Variants in IL21R observed in about 807,000 individuals in gnomAD.
IL21R encodes the protein interleukin-21 receptor.
A neutral mutation model predicts 41.3 loss-of-function variants in IL21R; 14 were observed. That is an observed-to-expected ratio of 0.34 (90% CI 0.22 to 0.53). The LOEUF (loss-of-function observed/expected upper bound fraction) is 0.53, where lower values mean the gene tolerates loss of function less well. IL21R is among the 20% of genes least tolerant of loss of function. The pLI is 0.94. For synonymous variants in IL21R, 286 were observed against 287.6 expected (o/e 0.99, Z 0.05); for missense variants, 588 against 681.6 (o/e 0.86, Z 1.53).
At chr16:27,438,825 A>G (rs1475395100) in intron 4 of IL21R, among the ~76,000 whole-genome samples, 2 of 152,180 alleles carry the variant, frequency 1.3e-5, no homozygotes, top group African/African-American at 4.8e-5. Context: ...AGCCAAGATC[A>G]TGCCACCGCA....
chr16:27,408,195 C>T (rs1292331468), intron 1 of IL21R, among the ~76,000 whole-genome samples: 1 of 152,184 alleles, frequency 6.6e-6, no homozygotes, highest in Non-Finnish European at 1.5e-5. Flanking sequence ...AGGAGTGACT[C>T]ATGCTCTTTG....
chr16:27,419,288 T>A (rs1179078219), intron 1 of IL21R, among the ~76,000 whole-genome samples: 1 of 152,174 alleles, frequency 6.6e-6, no homozygotes, highest in Admixed American at 6.5e-5. Flanking sequence ...ATCACCAATA[T>A]GACTGTCTTC....
At position 27,450,653 on chromosome 16, in the gene IL21R, C is replaced by T. The variant is rs182303418; in HGVS notation, c.*1370C>T. 136 of 219,106 alleles carry T rather than the reference C, an allele frequency of 6.2e-4. 1 individual carries two copies. The highest frequency in any genetic ancestry group is 1.4e-3 in the Middle Eastern group (1 of 708). The allele number at this position is 219,106 out of a possible 1,614,324, so 13.6% of individuals were successfully genotyped here. ...AGGCTGGAATGCAGTGGTGCGATCT[C>T]GGCTCTCTGCAACCTCTGTCTCCCG... On this transcript the variant is annotated 3_prime_UTR_variant, in exon 9 of 9. Coordinates refer to ENST00000337929, the MANE Select transcript of IL21R (RefSeq NM_181078.3).
intron 4 of IL21R, among the ~76,000 whole-genome samples, chr16:27,438,754 C>T (rs1276715165): frequency 2.6e-5 from 4 of 152,296 alleles, no homozygotes; most frequent in South Asian, 2.1e-4. Flanking sequence ...CCCGTAATCC[C>T]GGCTACTCGG....
At chr16:27,447,139 C>A (rs901389428) in intron 8 of IL21R, among the ~76,000 whole-genome samples, 1 of 152,182 alleles carries the variant, frequency 6.6e-6, no homozygotes, top group Non-Finnish European at 1.5e-5. Context: ...AACATGGACC[C>A]CAACCCACAT....
At chr16:27,403,111 A>AT (rs561494431) in intron 1 of IL21R, 1 of 703,654 alleles carries the variant, frequency 1.4e-6, no homozygotes. Flanking sequence ...AGGTAGAGTG[A>AT]TTTTCCCTCG....
intron 4 of IL21R, among the ~76,000 whole-genome samples, chr16:27,442,457 G>A (rs1051515347): frequency 2.0e-5 from 3 of 152,114 alleles, no homozygotes; most frequent in Admixed American, 6.5e-5. Context: ...TCTGCCTCCC[G>A]GGTTCACGCC....
intron 1 of IL21R, among the ~76,000 whole-genome samples, chr16:27,405,466 TC>T (rs1195896184): frequency 1.3e-5 from 2 of 152,144 alleles, no homozygotes; most frequent in Non-Finnish European, 2.9e-5. Flanking sequence ...TGATTCTGCT[TC>T]CCCCCTTTTA....
intron 1 of IL21R, among the ~76,000 whole-genome samples, chr16:27,418,513 T>C (rs1029377316): frequency 2.0e-5 from 3 of 151,780 alleles, no homozygotes; most frequent in Admixed American, 6.6e-5. Flanking sequence ...GGACTACAGG[T>C]GCGCGCCACC....
At chr16:27,418,193 C>A (rs1019199571) in intron 1 of IL21R, among the ~76,000 whole-genome samples, 3 of 151,248 alleles carry the variant, frequency 2.0e-5, no homozygotes, top group Admixed American at 6.6e-5. Flanking sequence ...CCTCAGCCTC[C>A]CAAGTAGCTG....
chr16:27,404,175 C>T (rs1285456214), intron 1 of IL21R, among the ~76,000 whole-genome samples: 2 of 152,158 alleles, frequency 1.3e-5, no homozygotes, highest in Non-Finnish European at 2.9e-5. Context: ...ACCGTGGGCT[C>T]AGCGATGCCC....
chr16:27,413,879 T>C (rs1446312870), intron 1 of IL21R, among the ~76,000 whole-genome samples: 2 of 151,976 alleles, frequency 1.3e-5, no homozygotes, highest in African/African-American at 4.8e-5. Flanking sequence ...TGCTGATTGT[T>C]AGAAACACAA....
chr16:27,426,905 A>G (rs761238917), intron 1 of IL21R, among the ~76,000 whole-genome samples: 2 of 152,194 alleles, frequency 1.3e-5, no homozygotes, highest in Non-Finnish European at 2.9e-5. Flanking sequence ...TTTTTGGCTC[A>G]TGGGAATGAG....
intron 1 of IL21R, among the ~76,000 whole-genome samples, chr16:27,405,314 T>A (rs1809570735): frequency 6.6e-6 from 1 of 152,156 alleles, no homozygotes; most frequent in South Asian, 2.1e-4. Context: ...ATTATAGACA[T>A]GAGCCACCGT....
chr16:27,440,950 C>A (rs9937329), intron 4 of IL21R, among the ~76,000 whole-genome samples: 2 of 148,608 alleles, frequency 1.3e-5, no homozygotes, highest in African/African-American at 5.0e-5. Context: ...ACTTGGGAGG[C>A]TGAGGCCGTG....
chr16:27,434,478 G>T, intron 3 of IL21R, 29 bp downstream of exon 3: 1 of 1,441,356 alleles, frequency 6.9e-7, no homozygotes, highest in East Asian at 2.3e-5. Flanking sequence ...CCAGTCCCCG[G>T]GGATGCAATT....
At chr16:27,438,411 G>C (rs1348131544) in intron 4 of IL21R, among the ~76,000 whole-genome samples, 1 of 152,168 alleles carries the variant, frequency 6.6e-6, no homozygotes, top group Non-Finnish European at 1.5e-5. Context: ...GGTGGGAGCA[G>C]TTTTATCTGT....
At chr16:27,441,941 G>A in intron 4 of IL21R, among the ~76,000 whole-genome samples, 1 of 152,188 alleles carries the variant, frequency 6.6e-6, no homozygotes, top group East Asian at 1.9e-4. Context: ...AGCCCAGGAG[G>A]TTGAGGCTGC....
rs1242023953 is a variant in IL21R, at chr16:27,441,484, T to C, written c.353-1478T>C. Among the ~76,000 whole-genome samples, 10 of 152,296 alleles carry C rather than the reference T, an allele frequency of 6.6e-5. No homozygotes were observed. The East Asian group carries it at 1.2e-3, about 18-fold the overall frequency. On this transcript the variant is annotated intron_variant, in intron 4 of 8. Transcript: ENST00000337929. Reference sequence around the variant, plus strand: ...ACGCTGAAAGATGAGGACCATCAGATTGGCCTCCCAGGGCCACTGTGGGGT... The same window carrying C: ...ACGCTGAAAGATGAGGACCATCAGACTGGCCTCCCAGGGCCACTGTGGGGT...
Sources: gnomAD v4.1 joint callset for allele counts (sites outside exome capture counted in the v4.1 genomes callset) on GRCh38, gnomAD v4.1.1 for gene constraint, MANE v1.5 for transcripts, NCBI Gene and HGNC (gene_info 2026-07-23, HGNC 2026-07-21) for gene names.